C12orf76: variants seen among roughly 807,000 people sequenced by gnomAD.
C12orf76 encodes the protein uncharacterized protein C12orf76.
In C12orf76, 6 loss-of-function variants were observed where a neutral mutation model predicts 6.8. That is an observed-to-expected ratio of 0.88 (90% confidence interval 0.48 to 1.73). C12orf76 has a LOEUF of 1.73. Among genes scored for constraint, C12orf76 ranks in the 40% most tolerant of loss-of-function variants. The probability of loss-of-function intolerance (pLI) is 0.01; values close to 1 mark genes in which losing one functional copy is unlikely to be tolerated. For missense variants in C12orf76, 99 were observed against 98.2 expected, an observed-to-expected ratio of 1.01 and a Z score of -0.03; for synonymous variants, 56 against 43.7, an observed-to-expected ratio of 1.28 and a Z score of -1.11.
At chr12:110,071,196 C>T (rs948946221), upstream of C12orf76, among the ~76,000 whole-genome samples, 3 of 152,138 alleles carry the variant, frequency 2.0e-5, no homozygotes, top group Non-Finnish European at 4.4e-5. Context: ...TTGCTATGTG[C>T]CATATATTTC....
At chr12:110,066,638 A>G (rs1392345699) in intron 1 of C12orf76, among the ~76,000 whole-genome samples, 1 of 152,198 alleles carries the variant, frequency 6.6e-6, no homozygotes, top group East Asian at 1.9e-4. Flanking sequence ...CCGTGAGCCA[A>G]GATCGCGCCA....
chr12:110,066,244 C>T (rs1204140312), intron 1 of C12orf76, among the ~76,000 whole-genome samples: 2 of 151,404 alleles, frequency 1.3e-5, no homozygotes, highest in Non-Finnish European at 2.9e-5. Context: ...TGGTGGCACA[C>T]GCCTGTAGTC....
upstream of C12orf76, among the ~76,000 whole-genome samples, chr12:110,068,289 GAA>G: frequency 6.9e-6 from 1 of 144,308 alleles, no homozygotes; most frequent in Non-Finnish European, 1.6e-5. Context: ...AGAAGAAGAA[GAA>G]GAAGAAGAAG....
intron 2 of C12orf76, chr12:110,065,719 C>T: frequency 7.0e-7 from 1 of 1,422,384 alleles, no homozygotes; most frequent in South Asian, 1.2e-5. Context: ...CACAGTGGCC[C>T]ATGAGAGCTT....
upstream of C12orf76, among the ~76,000 whole-genome samples, chr12:110,070,182 G>A (rs1180164744): frequency 6.6e-6 from 1 of 150,924 alleles, no homozygotes; most frequent in Non-Finnish European, 1.5e-5. Context: ...AGCTTGCAGT[G>A]AGCCAAGATC....
intron 4 of C12orf76, among the ~76,000 whole-genome samples, chr12:110,056,026 T>C (rs1204536383): frequency 2.0e-5 from 3 of 151,312 alleles, no homozygotes; most frequent in African/African-American, 7.3e-5. Context: ...TGAGCTGAGA[T>C]TGCGCCATTG....
At chr12:110,057,417 A>T in intron 3 of C12orf76, 1 of 682,596 alleles carries the variant, frequency 1.5e-6, no homozygotes. Context: ...CCTAAAGAAC[A>T]GTGGCGCCGG....
intron 2 of C12orf76, among the ~76,000 whole-genome samples, chr12:110,062,972 G>T (rs573144566): frequency 6.7e-6 from 1 of 149,400 alleles, no homozygotes; most frequent in Non-Finnish European, 1.5e-5. Flanking sequence ...TTAGAGTCTC[G>T]CTTGGCTGCC....
chr12:110,048,658 C>G (rs555645926), upstream of C12orf76: 417 of 1,279,448 alleles, frequency 3.3e-4, no homozygotes, highest in Non-Finnish European at 4.0e-4. Flanking sequence ...AAGATTTGTT[C>G]CGGATTAACG....
chr12:110,065,452 G>A (rs1299439472), intron 2 of C12orf76, among the ~76,000 whole-genome samples: 1 of 152,108 alleles, frequency 6.6e-6, no homozygotes, highest in Non-Finnish European at 1.5e-5. Context: ...TTACTGGAGT[G>A]AGCCACCGTG....
intron 1 of C12orf76, among the ~76,000 whole-genome samples, chr12:110,047,567 C>CT (rs757813005): frequency 6.6e-5 from 10 of 151,956 alleles, no homozygotes; most frequent in Non-Finnish European, 1.2e-4. Flanking sequence ...GTAGTCCCAG[C>CT]TACTCGCCCG....
chr12:110,055,546 G>A lies in C12orf76; in HGVS notation n.664+1643C>T, dbSNP rs138179263. Among the ~76,000 whole-genome samples, 63 of 152,242 alleles carry A rather than the reference G, an allele frequency of 4.1e-4. No homozygotes were observed. The East Asian group carries it at 9.7e-3, about 23-fold the overall frequency. ...AAATAGAATTGTAACTGCTCAAAGGGTTCACCTTGCCTGCTGCCTAGACAG... is the reference window on the plus strand; with the variant it reads ...AAATAGAATTGTAACTGCTCAAAGGATTCACCTTGCCTGCTGCCTAGACAG... On this transcript the variant is annotated intron_variant and non_coding_transcript_variant, in intron 4 of 4. Transcript: ENST00000309050.
chr12:110,068,240 G>GA (rs1408990698), upstream of C12orf76, among the ~76,000 whole-genome samples: 7 of 134,780 alleles, frequency 5.2e-5, no homozygotes, highest in East Asian at 6.5e-4. Flanking sequence ...AAGAGAAGAA[G>GA]AAGAAGAAAG....
intron 2 of C12orf76, among the ~76,000 whole-genome samples, chr12:110,064,461 T>C (rs1002630478): frequency 6.6e-6 from 1 of 152,188 alleles, no homozygotes; most frequent in Non-Finnish European, 1.5e-5. Context: ...AATAGGCCAA[T>C]ACATGTCACA....
upstream of C12orf76, among the ~76,000 whole-genome samples, chr12:110,051,963 G>A (rs1164505230): frequency 6.9e-6 from 1 of 144,258 alleles, no homozygotes; most frequent in African/African-American, 2.6e-5. Flanking sequence ...CCAGGCTGGA[G>A]TGCAGTGCAA....
At chr12:110,060,072 C>T (rs1237958538) in intron 2 of C12orf76, among the ~76,000 whole-genome samples, 1 of 152,006 alleles carries the variant, frequency 6.6e-6, no homozygotes, top group African/African-American at 2.4e-5. Context: ...ACTAAAAATA[C>T]AAAATTAGCC....
chr12:110,071,752 C>A (rs375512054), upstream of C12orf76, among the ~76,000 whole-genome samples: 13 of 152,208 alleles, frequency 8.5e-5, no homozygotes, highest in East Asian at 1.3e-3. Context: ...ATCAGAACCA[C>A]AATGAACTAC....
chr12:110,042,591 C>G, intron 1 of C12orf76, 132 bp from the exon 2 acceptor site: 1 of 713,866 alleles, frequency 1.4e-6, no homozygotes, highest in Non-Finnish European at 2.6e-6. Flanking sequence ...CAGCTGTAAA[C>G]AGATCCTCTC....
upstream of C12orf76, among the ~76,000 whole-genome samples, chr12:110,053,004 C>T (rs576844430): frequency 2.7e-5 from 4 of 150,088 alleles, no homozygotes; most frequent in African/African-American, 9.8e-5. Flanking sequence ...AGATCAAGAC[C>T]ATCCTGGCCA....
Sources: gnomAD v4.1 joint callset for allele counts (sites outside exome capture counted in the v4.1 genomes callset) on GRCh38, gnomAD v4.1.1 for gene constraint, MANE v1.5 for transcripts, NCBI Gene and HGNC (gene_info 2026-07-23, HGNC 2026-07-21) for gene names.